TAFA1: variants seen among roughly 807,000 people sequenced by gnomAD.
TAFA1 encodes the protein chemokine-like protein TAFA-1.
Under a neutral mutation model 18.5 loss-of-function variants are expected in TAFA1, and 4 were observed. That is an observed-to-expected ratio of 0.22 (90% CI 0.11 to 0.49). The LOEUF is 0.49. Ranked by LOEUF, TAFA1 falls within the 20% of genes least tolerant of loss-of-function variation. TAFA1 has a pLI of 0.98. For missense variants in TAFA1, 147 were observed against 169.0 expected (o/e 0.87, Z 0.72); for synonymous variants, 56 against 55.2 (o/e 1.01, Z -0.06).
chr3:68,324,913 A>G (rs1191898748), intron 2 of TAFA1, among the ~76,000 whole-genome samples: 1 of 152,212 alleles, frequency 6.6e-6, no homozygotes, highest in Non-Finnish European at 1.5e-5. Flanking sequence ...GTTATGGTCT[A>G]TGCTCAGACG....
intron 3 of TAFA1, among the ~76,000 whole-genome samples, chr3:68,440,933 T>A (rs150535840): frequency 1.5e-4 from 23 of 152,320 alleles, no homozygotes; most frequent in African/African-American, 5.3e-4. Flanking sequence ...GAATCATTGT[T>A]GTGTCTCCTG....
chr3:68,318,878 G>T (rs2068650287), intron 2 of TAFA1, among the ~76,000 whole-genome samples: 1 of 152,058 alleles, frequency 6.6e-6, no homozygotes, highest in South Asian at 2.1e-4. Flanking sequence ...ACTAATAAAA[G>T]AAATAGATCC....
At chr3:68,172,786 T>C (rs542769251) in intron 2 of TAFA1, among the ~76,000 whole-genome samples, 1 of 152,146 alleles carries the variant, frequency 6.6e-6, no homozygotes, top group Non-Finnish European at 1.5e-5. Flanking sequence ...CATAATAGAT[T>C]ATTTATTGAT....
intron 3 of TAFA1, among the ~76,000 whole-genome samples, chr3:68,429,350 G>A (rs990207402): frequency 6.6e-6 from 1 of 151,828 alleles, no homozygotes; most frequent in Non-Finnish European, 1.5e-5. Context: ...CCTTATAATA[G>A]CCTTATAAGA....
At chr3:68,298,032 T>C (rs1250210576) in intron 2 of TAFA1, among the ~76,000 whole-genome samples, 1 of 152,206 alleles carries the variant, frequency 6.6e-6, no homozygotes. Flanking sequence ...TGTTTCCCTC[T>C]CAGACAAAAT....
At chr3:68,288,055 G>A (rs2107271298) in intron 2 of TAFA1, among the ~76,000 whole-genome samples, 1 of 152,164 alleles carries the variant, frequency 6.6e-6, no homozygotes, top group East Asian at 1.9e-4. Flanking sequence ...CTTTCCTTGG[G>A]TTCCGAAGCC....
chr3:68,469,533 C>G (rs775609686), intron 3 of TAFA1, among the ~76,000 whole-genome samples: 2 of 152,064 alleles, frequency 1.3e-5, no homozygotes, highest in South Asian at 4.2e-4. Flanking sequence ...ATTAGCTGGG[C>G]GTGGTGGCGG....
At chr3:68,293,673 G>A (rs150818617) in intron 2 of TAFA1, among the ~76,000 whole-genome samples, 2 of 152,178 alleles carry the variant, frequency 1.3e-5, no homozygotes, top group Admixed American at 6.5e-5. Flanking sequence ...TGATCAATGC[G>A]AGCTATTGTT....
chr3:68,477,091 A>G (rs887085770), intron 3 of TAFA1, among the ~76,000 whole-genome samples: 2 of 152,112 alleles, frequency 1.3e-5, no homozygotes, highest in African/African-American at 4.8e-5. Flanking sequence ...CCCCAAGGGT[A>G]TCTATCCTGA....
intron 2 of TAFA1, among the ~76,000 whole-genome samples, chr3:68,117,075 G>GTGCCTCTCAGCAGCTCTCTTT (rs1485053467): frequency 2.0e-5 from 3 of 152,168 alleles, no homozygotes; most frequent in African/African-American, 7.2e-5. Flanking sequence ...TCATTTATTA[G>GTGCCTCTCAGCAGCTCTCTTT]TGCCTCTCAG....
At chr3:68,079,991 G>A (rs1001331615) in intron 2 of TAFA1, among the ~76,000 whole-genome samples, 1 of 151,832 alleles carries the variant, frequency 6.6e-6, no homozygotes, top group African/African-American at 2.4e-5. Context: ...ATGAATCTTG[G>A]TGCTCCTGTA....
chr3:68,004,411 G>A lies in TAFA1; in HGVS notation c.-295G>A, dbSNP rs1704322534. 1 of 152,154 alleles carries A rather than the reference G, an allele frequency of 6.6e-6. No individual in the cohort carries two copies. The highest frequency in any genetic ancestry group is 1.5e-5 in the Non-Finnish European group (1 of 68,042). 9.4% of individuals were successfully genotyped at this position (152,154 alleles called of 1,614,324 possible). On this transcript the variant is annotated 5_prime_UTR_variant, in exon 1 of 5. Transcript: ENST00000478136. The stretch of plus-strand genomic sequence containing the variant: ...CCCATCACTTCAAAGGTCTCGTCAG[G>A]CAGAGGTGACGCCAGGAGATGATTT...
chr3:68,449,618 A>G (rs1016265936), intron 3 of TAFA1, among the ~76,000 whole-genome samples: 2 of 152,174 alleles, frequency 1.3e-5, no homozygotes, highest in Non-Finnish European at 2.9e-5. Flanking sequence ...CAAAGATCTA[A>G]TATCTCTGAG....
chr3:68,297,534 G>A (rs1446460092), intron 2 of TAFA1, among the ~76,000 whole-genome samples: 4 of 152,062 alleles, frequency 2.6e-5, no homozygotes, highest in East Asian at 1.9e-4. Flanking sequence ...TTAAACATTC[G>A]GCTAGTGATT....
intron 2 of TAFA1, among the ~76,000 whole-genome samples, chr3:68,358,731 G>A (rs766103402): frequency 1.3e-5 from 2 of 151,798 alleles, no homozygotes; most frequent in Non-Finnish European, 2.9e-5. Flanking sequence ...AATAAAACTT[G>A]TAGCCTTCAG....
intron 2 of TAFA1, among the ~76,000 whole-genome samples, chr3:68,270,331 CT>C (rs975648101): frequency 2.6e-5 from 4 of 152,064 alleles, no homozygotes; most frequent in African/African-American, 4.8e-5. Context: ...ATGATAGCTT[CT>C]AATATTTTGA....
chr3:68,404,407 A>G (rs1272195746), intron 2 of TAFA1, among the ~76,000 whole-genome samples: 1 of 152,214 alleles, frequency 6.6e-6, no homozygotes, highest in Non-Finnish European at 1.5e-5. Context: ...TTTCTAAAAC[A>G]TTTAACAGTT....
At chr3:68,531,639 G>A (rs1420444921) in intron 3 of TAFA1, among the ~76,000 whole-genome samples, 1 of 152,168 alleles carries the variant, frequency 6.6e-6, no homozygotes, top group Non-Finnish European at 1.5e-5. Context: ...TAGAGCACGT[G>A]CTTGAACCTA....
At chr3:68,043,439 A>G (rs1219339610) in intron 2 of TAFA1, among the ~76,000 whole-genome samples, 1 of 152,216 alleles carries the variant, frequency 6.6e-6, no homozygotes, top group Non-Finnish European at 1.5e-5. Flanking sequence ...ACTTGTTTTA[A>G]AAAAATAATT....
Sources: gnomAD v4.1 joint callset for allele counts (sites outside exome capture counted in the v4.1 genomes callset) on GRCh38, gnomAD v4.1.1 for gene constraint, MANE v1.5 for transcripts, NCBI Gene and HGNC (gene_info 2026-07-23, HGNC 2026-07-21) for gene names.